DOCK4: variants seen among roughly 807,000 people sequenced by gnomAD.
DOCK4 encodes dedicator of cytokinesis 4.
DOCK4 carries 97 observed loss-of-function variants against 268.1 expected under a neutral mutation model. The ratio of observed to expected loss-of-function variants is 0.36; its 90% CI spans 0.31 to 0.43. DOCK4 has a LOEUF of 0.43. Ranked by LOEUF, DOCK4 falls within the 20% of genes least tolerant of loss-of-function variation. DOCK4 has a pLI of 1.00. For missense variants in DOCK4, 2,145 were observed against 2,455.7 expected (o/e 0.87, Z 2.67); for synonymous variants, 954 against 887.2 (o/e 1.08, Z -1.34).
In DOCK4 at chr7:111,991,727, C is replaced by T. The variant is rs558279222; in HGVS notation, c.315+2408G>A. Reference sequence around the variant, plus strand: ...CTGTAATCCCAGCACTTTGGGAGGCCGAAGTGGGCGGATCATGAGGTCAGG... The same window carrying T: ...CTGTAATCCCAGCACTTTGGGAGGCTGAAGTGGGCGGATCATGAGGTCAGG... On this transcript the variant is annotated intron_variant, in intron 5 of 52. Transcript: ENST00000428084. 9.9e-5 allele frequency among the ~76,000 whole-genome samples: 15 copies of T among 150,948 alleles called. No homozygotes were observed. In the South Asian group the frequency reaches 1.5e-3, roughly 15 times the overall value.
intron 22 of DOCK4, among the ~76,000 whole-genome samples, chr7:111,864,309 G>C (rs1278400681): frequency 6.7e-6 from 1 of 150,030 alleles, no homozygotes; most frequent in Non-Finnish European, 1.5e-5. Flanking sequence ...AAATCTCAAA[G>C]GGCATACTTA....
chr7:111,763,136 T>C (rs1394454874), intron 39 of DOCK4, among the ~76,000 whole-genome samples: 2 of 151,894 alleles, frequency 1.3e-5, no homozygotes, highest in African/African-American at 4.8e-5. Context: ...TGTATTTGAG[T>C]GCTAAAAATT....
chr7:111,852,576 G>T (rs908251782), intron 23 of DOCK4, among the ~76,000 whole-genome samples: 2 of 150,950 alleles, frequency 1.3e-5, no homozygotes, highest in African/African-American at 4.9e-5. Flanking sequence ...TAGAAAGGAA[G>T]ATAAAGCTTA....
At chr7:112,026,677 A>G (rs1170108789) in intron 1 of DOCK4, among the ~76,000 whole-genome samples, 1 of 152,224 alleles carries the variant, frequency 6.6e-6, no homozygotes, top group African/African-American at 2.4e-5. Context: ...AAAGATAACT[A>G]CATTCATGCA....
intron 1 of DOCK4, among the ~76,000 whole-genome samples, chr7:112,126,241 T>C (rs146062513): frequency 6.6e-6 from 1 of 152,248 alleles, no homozygotes; most frequent in Non-Finnish European, 1.5e-5. Context: ...AGAGGCTCTC[T>C]GGGTGCATAC....
In DOCK4 at chr7:111,984,340, G is replaced by A. The variant is rs748395410; in HGVS notation, c.515C>T (p.Pro172Leu). 1.5e-5 allele frequency: 25 copies of A among 1,613,214 alleles called. No homozygotes were observed. The highest frequency in any genetic ancestry group is 2.2e-5 in the East Asian group (1 of 44,856). Residue 172 changes from proline to leucine, a missense_variant, in exon 7 of 53, where the codon CCG (proline) becomes CTG (leucine). Physicochemically the swap from Pro to Leu is moderately conservative, Grantham distance 98. Transcript: ENST00000428084. ...GAGCTCAGTAATGCTGATGTCTTCC[G>A]GATCCACCATTGCGTACTCTTTCCT... ...VPRKEYAMVDPEDISITELYR... is the reference protein window; with the variant it reads ...VPRKEYAMVDLEDISITELYR...
chr7:112,079,770 G>A (rs566905801), intron 1 of DOCK4, among the ~76,000 whole-genome samples: 37 of 152,214 alleles, frequency 2.4e-4, no homozygotes, highest in African/African-American at 7.9e-4. Context: ...CTGTTATAAA[G>A]AGTAAACAAA....
At chr7:111,918,070 T>G (rs1401513310) in intron 12 of DOCK4, among the ~76,000 whole-genome samples, 1 of 152,114 alleles carries the variant, frequency 6.6e-6, no homozygotes, top group African/African-American at 2.4e-5. Context: ...TCAGGAAAAT[T>G]TGTAAACCAA....
At chr7:111,948,295 G>C (rs35991153) in intron 8 of DOCK4, among the ~76,000 whole-genome samples, 11,202 of 152,170 alleles carry the variant, frequency 0.074, 566 homozygotes, top group Non-Finnish European at 0.11. Flanking sequence ...ATGTGTGGCT[G>C]AGCAAGGATT....
intron 26 of DOCK4, among the ~76,000 whole-genome samples, chr7:111,830,857 C>T (rs1366873169): frequency 6.6e-6 from 1 of 151,908 alleles, no homozygotes; most frequent in African/African-American, 2.4e-5. Flanking sequence ...AGTGAAATTG[C>T]CCATCAGGTT....
chr7:111,765,770 G>A (rs1287256803), intron 38 of DOCK4, among the ~76,000 whole-genome samples: 1 of 152,200 alleles, frequency 6.6e-6, no homozygotes, highest in African/African-American at 2.4e-5. Flanking sequence ...GAGACCCATA[G>A]TGCAAAGTGC....
chr7:111,764,119 C>T (rs921790965), intron 39 of DOCK4, among the ~76,000 whole-genome samples: 4 of 152,184 alleles, frequency 2.6e-5, no homozygotes, highest in Non-Finnish European at 5.9e-5. Context: ...CACATTATGT[C>T]TGTGTAGCAC....
chr7:111,954,724 C>A (rs538909077), intron 8 of DOCK4, among the ~76,000 whole-genome samples: 1 of 152,286 alleles, frequency 6.6e-6, no homozygotes, highest in Non-Finnish European at 1.5e-5. Context: ...AACCCCTGCC[C>A]CGTCCTCACA....
intron 23 of DOCK4, among the ~76,000 whole-genome samples, chr7:111,858,457 G>C (rs1418068791): frequency 3.9e-5 from 6 of 152,194 alleles, no homozygotes; most frequent in African/African-American, 1.4e-4. Context: ...ACAGAGTTAA[G>C]TAAACTGTCC....
chr7:112,198,835 T>C (rs1350579275), intron 1 of DOCK4, among the ~76,000 whole-genome samples: 1 of 152,226 alleles, frequency 6.6e-6, no homozygotes, highest in Non-Finnish European at 1.5e-5. Flanking sequence ...ACTAGATACC[T>C]GGAATATATT....
intron 13 of DOCK4, among the ~76,000 whole-genome samples, chr7:111,903,313 A>G (rs1791297140): frequency 6.6e-6 from 1 of 152,188 alleles, no homozygotes; most frequent in Non-Finnish European, 1.5e-5. Flanking sequence ...CATCTTAGTC[A>G]CCCTTTACAA....
At chr7:112,189,470 T>C (rs1174631601) in intron 1 of DOCK4, among the ~76,000 whole-genome samples, 2 of 152,176 alleles carry the variant, frequency 1.3e-5, no homozygotes, top group Admixed American at 6.5e-5. Flanking sequence ...TCTGAGTATC[T>C]TCTGGCATTT....
At chr7:111,875,589 A>G (rs60275641) in intron 17 of DOCK4, among the ~76,000 whole-genome samples, 3,945 of 152,330 alleles carry the variant, frequency 0.026, 153 homozygotes, top group African/African-American at 0.089. Flanking sequence ...ATCCAGCTCA[A>G]TGTAATCACA....
intron 49 of DOCK4, 66 bp downstream of exon 49, chr7:111,739,068 G>C: frequency 7.1e-7 from 1 of 1,412,098 alleles, no homozygotes; most frequent in Non-Finnish European, 1.0e-6. Flanking sequence ...GCGTGTTTCT[G>C]CAGAGATAGG....
Sources: gnomAD v4.1 joint callset for allele counts (sites outside exome capture counted in the v4.1 genomes callset) on GRCh38, gnomAD v4.1.1 for gene constraint, MANE v1.5 for transcripts, NCBI Gene and HGNC (gene_info 2026-07-23, HGNC 2026-07-21) for gene names.